Variants in SDK2 observed in about 807,000 individuals in gnomAD.
SDK2 encodes sidekick cell adhesion molecule 2, also known as protein sidekick-2.
In SDK2, 105 loss-of-function variants were observed where a neutral mutation model predicts 253.9. The observed-to-expected ratio is 0.41, with a 90% CI of 0.35 to 0.49. SDK2 has a LOEUF of 0.49. SDK2 is among the 20% of genes least tolerant of loss of function. The pLI, the probability that SDK2 is intolerant of heterozygous loss-of-function variation, is 0.06. For synonymous variants in SDK2, 1,249 were observed against 1,234.9 expected, an observed-to-expected ratio of 1.01 and a Z score of -0.24; for missense variants, 2,608 against 3,003.0, an observed-to-expected ratio of 0.87 and a Z score of 3.07.
intron 15 of SDK2, among the ~76,000 whole-genome samples, chr17:73,419,711 A>C (rs2063212409): frequency 4.1e-5 from 3 of 72,776 alleles, no homozygotes; most frequent in African/African-American, 1.3e-4. Flanking sequence ...CTCTACCAAA[A>C]AAAACAACAA....
At chr17:73,403,847 A>G (rs746416033) in intron 18 of SDK2, among the ~76,000 whole-genome samples, 1 of 152,240 alleles carries the variant, frequency 6.6e-6, no homozygotes, top group Non-Finnish European at 1.5e-5. Flanking sequence ...ATCTTGTTTC[A>G]TAGCAATTAT....
intron 4 of SDK2, among the ~76,000 whole-genome samples, chr17:73,449,234 T>A (rs961785102): frequency 6.6e-6 from 1 of 152,216 alleles, no homozygotes; most frequent in Admixed American, 6.5e-5. Flanking sequence ...CCTCCACCCA[T>A]TCTCCCAATG....
chr17:73,398,347 G>A lies in SDK2; in HGVS notation c.3176C>T (p.Pro1059Leu), dbSNP rs141892877. The A allele has an allele frequency of 1.1e-4, 185 of 1,613,866 alleles. No individual in the cohort carries two copies. Among genetic ancestry groups the A allele is most frequent in the Middle Eastern group, 1.6e-4 (1 of 6,084 alleles). ...NEPDARSMEV[P>L]DLNPFTCYSF... ...GTAGCAGGTGAAGGGGTTGAGGTCGGGCACCTCCATGGAGCGGGCATCGGG... is the reference window on the plus strand; with the variant it reads ...GTAGCAGGTGAAGGGGTTGAGGTCGAGCACCTCCATGGAGCGGGCATCGGG... The change falls in exon 23 of 45, where the codon CCC (proline) becomes CTC (leucine). Residue 1059 changes from proline (P) to leucine (L), a missense_variant. Around this residue, in one of 2 missense-constraint regions of SDK2, gnomAD observed 1,505 missense variants for 1,859.1 expected, o/e 0.81. Coordinates refer to ENST00000392650, the MANE Select transcript of SDK2 (RefSeq NM_001144952.2).
intron 1 of SDK2, among the ~76,000 whole-genome samples, chr17:73,633,469 G>A (rs890186199): frequency 6.6e-6 from 1 of 151,992 alleles, no homozygotes; most frequent in African/African-American, 2.4e-5. Flanking sequence ...TTCCCAATGA[G>A]GACACTTGTG....
intron 22 of SDK2, 121 bp from the exon 23 acceptor site, chr17:73,398,550 GC>G: frequency 1.4e-6 from 1 of 727,028 alleles, no homozygotes; most frequent in South Asian, 1.7e-5. Flanking sequence ...CATCTGGAGG[GC>G]ACCATATGGG....
In SDK2 at chr17:73,629,815, G is replaced by T. The variant is rs546778617; in HGVS notation, c.64+14210C>A. 6.6e-6 allele frequency among the ~76,000 whole-genome samples: 1 copy of T among 152,278 alleles called. No individual in the cohort carries two copies. Among genetic ancestry groups the T allele is most frequent in the African/African-American group, 2.4e-5 (1 of 41,560 alleles). On this transcript the variant is annotated intron_variant, in intron 1 of 44. Coordinates refer to ENST00000392650, the MANE Select transcript of SDK2 (RefSeq NM_001144952.2). This position sits in a 1 kb window ranked among gnomAD's most constrained non-coding sequence, Gnocchi z 5.0. ...AGTAAGTGCATGAGAAGCAAAAGAG[G>T]TTCATGGTTTTGGTTATCCATTGGC...
intron 36 of SDK2, among the ~76,000 whole-genome samples, chr17:73,370,851 C>G (rs2062729022): frequency 6.6e-6 from 1 of 151,814 alleles, no homozygotes; most frequent in African/African-American, 2.4e-5. Flanking sequence ...TCGCCTGTGC[C>G]CATGAGTTCA....
intron 1 of SDK2, among the ~76,000 whole-genome samples, chr17:73,620,430 T>C (rs1012217076): frequency 2.0e-5 from 3 of 152,204 alleles, no homozygotes; most frequent in African/African-American, 4.8e-5. Context: ...GCTGGTGAGA[T>C]TGTAAAATGG....
intron 1 of SDK2, among the ~76,000 whole-genome samples, chr17:73,551,267 G>C (rs754983289): frequency 6.6e-6 from 1 of 152,134 alleles, no homozygotes; most frequent in East Asian, 1.9e-4. Context: ...ATGCCCACAC[G>C]CTCCCACCCC....
chr17:73,452,031 C>A (rs1263128251), intron 4 of SDK2, among the ~76,000 whole-genome samples: 1 of 152,060 alleles, frequency 6.6e-6, no homozygotes, highest in African/African-American at 2.4e-5. Context: ...GCCCTCCCTT[C>A]CCCCCACTGC....
At chr17:73,384,088 C>G in intron 32 of SDK2, 77 bp from the exon 33 acceptor site, 1 of 1,480,052 alleles carries the variant, frequency 6.8e-7, no homozygotes. Flanking sequence ...CATCATGCCT[C>G]CTGCAGCCAC....
At chr17:73,575,549 C>T (rs866144871) in intron 1 of SDK2, among the ~76,000 whole-genome samples, 74 of 152,230 alleles carry the variant, frequency 4.9e-4, no homozygotes, top group African/African-American at 1.6e-3. Context: ...GGGCAAAACA[C>T]GTAATCTCTC....
At chr17:73,437,607 A>C (rs2063379985) in intron 8 of SDK2, 132 bp downstream of exon 8, 2 of 792,444 alleles carry the variant, frequency 2.5e-6, no homozygotes, top group South Asian at 1.5e-5. Flanking sequence ...GCCTGCTCAG[A>C]CAGCCAGACA....
chr17:73,390,363 C>T lies in SDK2; in HGVS notation c.4116G>A (p.Leu1372=). 2 of 1,612,340 alleles carry T rather than the reference C, an allele frequency of 1.2e-6. No homozygotes were observed. Among genetic ancestry groups the T allele is most frequent in the Non-Finnish European group, 8.5e-7 (1 of 1,179,774 alleles). ...ATGLKPESVY[L]FRITAQTRKG... is the part of the protein sequence containing the mutation. ...TGCGGGTCTGGGCCGTGATGCGGAA[C>T]AGGTAGACAGACTCTGGCTTGAGGC... The change falls in exon 29 of 45, where the codon CTG becomes CTA. Residue 1372 remains leucine, a synonymous_variant. Coordinates refer to ENST00000392650, the MANE Select transcript of SDK2 (RefSeq NM_001144952.2).
chr17:73,385,892 G>T lies in SDK2; in HGVS notation c.4524C>A (p.Leu1508=). 1 of 1,608,746 alleles carries T rather than the reference G, an allele frequency of 6.2e-7. No individual in the cohort carries two copies. Residue 1508 remains leucine (L), a synonymous_variant, in exon 32 of 45, where the codon CTC becomes CTA. Transcript: ENST00000392650. ...AGGTGGTGGTGTGGGGCGTCACGGAGAGGATGGTGGGTGCTTCATCGGGGG... is the reference window on the plus strand; with the variant it reads ...AGGTGGTGGTGTGGGGCGTCACGGATAGGATGGTGGGTGCTTCATCGGGGG... ...QAAPDEAPTI[L]SVTPHTTTSV...
intron 2 of SDK2, among the ~76,000 whole-genome samples, chr17:73,502,824 G>A (rs989634033): frequency 4.6e-5 from 7 of 152,172 alleles, no homozygotes; most frequent in Non-Finnish European, 1.0e-4. Context: ...TCCCTCTATA[G>A]TCCACTCATC....
chr17:73,361,923 C>A lies in SDK2; in HGVS notation c.5306-78G>T. 5 of 1,442,256 alleles carry A rather than the reference C, an allele frequency of 3.5e-6. No individual in the cohort carries two copies. The highest frequency in any genetic ancestry group is 4.7e-6 in the Non-Finnish European group (5 of 1,075,110). The allele number at this position is 1,442,256 out of a possible 1,614,324, so 89.3% of individuals were successfully genotyped here. A position where few individuals can be genotyped will look rare whatever the true frequency, so the allele number is the denominator to read the frequency against. On this transcript the variant is annotated intron_variant, in intron 38 of 44. Coordinates refer to ENST00000392650, the MANE Select transcript of SDK2 (RefSeq NM_001144952.2). The surrounding 1 kb of genome is among the most constrained non-coding windows in gnomAD (Gnocchi z 4.1). ...GGAGGCCATGGGGAAGGGGAAGCGG[C>A]CGTGGCCTGGGCCCCGGGACCCTGG...
At chr17:73,495,845 C>T (rs1040972671) in intron 2 of SDK2, among the ~76,000 whole-genome samples, 8 of 152,186 alleles carry the variant, frequency 5.3e-5, no homozygotes, top group African/African-American at 1.9e-4. Context: ...CTTTTAATTA[C>T]TACCTTCCCT....
intron 40 of SDK2, among the ~76,000 whole-genome samples, chr17:73,355,174 A>ATATATATATTTTTTTT: frequency 8.5e-5 from 4 of 47,240 alleles, no homozygotes; most frequent in African/African-American, 1.6e-4. Context: ...ATATATATAT[A>ATATATATATTTTTTTT]TTTTTTTTTT....
Sources: gnomAD v4.1 joint callset for allele counts (sites outside exome capture counted in the v4.1 genomes callset) on GRCh38, gnomAD v4.1.1 for gene constraint, gnomAD v4.1.1 regional missense constraint, Gnocchi (gnomAD v3.1) non-coding constraint, MANE v1.5 for transcripts, NCBI Gene and HGNC (gene_info 2026-07-23, HGNC 2026-07-21) for gene names.